The following HLCS variants were observed in gnomAD, a reference collection of about 807,000 sequenced individuals.
The protein encoded by HLCS is biotin--protein ligase.
A neutral mutation model predicts 75.0 loss-of-function variants in HLCS; 53 were observed. The ratio of observed to expected loss-of-function variants is 0.71; its 90% confidence interval spans 0.57 to 0.89. The LOEUF (loss-of-function observed/expected upper bound fraction) is 0.89. HLCS is among the 40% of genes least tolerant of loss of function. HLCS has a pLI of 0.00. For missense variants in HLCS, 966 were observed against 1,074.0 expected (o/e 0.90, Z 1.41); for synonymous variants, 431 against 428.6 (o/e 1.01, Z -0.07).
intron 6 of HLCS, among the ~76,000 whole-genome samples, chr21:36,841,388 G>A (rs73902750): frequency 0.037 from 5,630 of 152,266 alleles, 147 homozygotes; most frequent in African/African-American, 0.074. Context: ...CCCAAACCAC[G>A]AGTACATTAT....
At chr21:36,864,395 C>CAAA (rs754420645) in intron 6 of HLCS, among the ~76,000 whole-genome samples, 1 of 127,252 alleles carries the variant, frequency 7.9e-6, no homozygotes, top group African/African-American at 2.8e-5. Flanking sequence ...GACTACGTCT[C>CAAA]AAAAAAAAAA....
At chr21:36,924,631 G>A (rs563466911) in intron 5 of HLCS, among the ~76,000 whole-genome samples, 178 of 152,188 alleles carry the variant, frequency 1.2e-3, no homozygotes, top group African/African-American at 3.7e-3. Context: ...TTCCTCTCCC[G>A]GGGGCAAGGA....
rs371974889 is a variant in HLCS at position 36,765,001 on chromosome 21, A to T, written c.2121+11T>A. ...TCCCAGGGACATAGAAGGAGACTGA[A>T]CTGTACCTACCTGATACTCGGGAAT... On this transcript the variant is annotated intron_variant, in intron 8 of 10. Transcript: ENST00000674895. The T allele has an allele frequency of 1.6e-4, 266 of 1,614,050 alleles. 1 individual carries two copies. The African/African-American group carries it at 3.1e-3, about 19-fold the overall frequency.
chr21:36,872,315 C>T (rs1012247226), intron 6 of HLCS, among the ~76,000 whole-genome samples: 2 of 147,292 alleles, frequency 1.4e-5, no homozygotes, highest in Non-Finnish European at 3.0e-5. Context: ...CCCAGCTACT[C>T]GGGAGGCGGA....
At chr21:36,912,590 G>A (rs758499803) in intron 5 of HLCS, among the ~76,000 whole-genome samples, 4 of 152,170 alleles carry the variant, frequency 2.6e-5, no homozygotes, top group Admixed American at 6.5e-5. Context: ...TTGTAAAATA[G>A]TGTGGGTGTA....
intron 6 of HLCS, among the ~76,000 whole-genome samples, chr21:36,773,533 G>C (rs570053286): frequency 7.9e-5 from 12 of 152,240 alleles, no homozygotes; most frequent in Admixed American, 7.2e-4. Context: ...AGGCGACCTC[G>C]AAGTCTCCCT....
chr21:36,863,721 A>G (rs2063460722), intron 6 of HLCS, among the ~76,000 whole-genome samples: 1 of 152,224 alleles, frequency 6.6e-6, no homozygotes, highest in Non-Finnish European at 1.5e-5. Flanking sequence ...CAAAATGCCT[A>G]AACTTGTTCA....
At chr21:36,983,372 A>G (rs2069161961) in intron 1 of HLCS, among the ~76,000 whole-genome samples, 1 of 151,508 alleles carries the variant, frequency 6.6e-6, no homozygotes, top group Admixed American at 6.6e-5. Flanking sequence ...CACCACACCC[A>G]GCTAATTTTT....
intron 7 of HLCS, among the ~76,000 whole-genome samples, chr21:36,766,627 C>G (rs1026233394): frequency 2.6e-5 from 4 of 152,148 alleles, no homozygotes; most frequent in Non-Finnish European, 2.9e-5. Flanking sequence ...AGGGAGGGGC[C>G]AAGCCCCGTG....
At chr21:36,915,019 T>C (rs1013756105) in intron 5 of HLCS, among the ~76,000 whole-genome samples, 3 of 152,362 alleles carry the variant, frequency 2.0e-5, no homozygotes, top group African/African-American at 4.8e-5. Context: ...CTAGCCGACA[T>C]GCACACCAAC....
chr21:36,897,369 T>A (rs931273470), intron 5 of HLCS, among the ~76,000 whole-genome samples: 5 of 152,194 alleles, frequency 3.3e-5, no homozygotes, highest in Admixed American at 1.3e-4. Flanking sequence ...ATCAGTTCAG[T>A]TCATGATTAT....
chr21:36,797,179 T>G (rs1280428971), intron 6 of HLCS, among the ~76,000 whole-genome samples: 1 of 152,094 alleles, frequency 6.6e-6, no homozygotes, highest in African/African-American at 2.4e-5. Context: ...TCACGATCTC[T>G]CTTAACACTG....
intron 4 of HLCS, 77 bp from the exon 5 acceptor site, chr21:36,930,510 CTTT>C: frequency 3.9e-6 from 4 of 1,036,538 alleles, no homozygotes; most frequent in Non-Finnish European, 4.1e-6. Context: ...TTTTCTTTTT[CTTT>C]TTTTTTTTAA....
chr21:36,913,487 T>C (rs1279506862), intron 5 of HLCS, among the ~76,000 whole-genome samples: 1 of 151,748 alleles, frequency 6.6e-6, no homozygotes, highest in Non-Finnish European at 1.5e-5. Context: ...TTTGGCGGGG[T>C]GTGGTGGCTC....
At chr21:36,844,232 G>A (rs2062717743) in intron 6 of HLCS, among the ~76,000 whole-genome samples, 1 of 152,028 alleles carries the variant, frequency 6.6e-6, no homozygotes, top group South Asian at 2.1e-4. Flanking sequence ...CGCAGCACGA[G>A]GAATGAGCCA....
Position 36,756,802 on chromosome 21 carries a change from A to C in HLCS, c.2237-47T>G, listed in dbSNP as rs1206516899. 3.1e-6 allele frequency: 5 copies of C among 1,612,736 alleles called. No individual in the cohort carries two copies. The East Asian group carries it at 1.1e-4, about 36-fold the overall frequency. On this transcript the variant is annotated intron_variant, in intron 9 of 10. Coordinates refer to ENST00000674895, the MANE Select transcript of HLCS (RefSeq NM_001352514.2). ...AGCAGCTCAGCCTGTTGATGGCATC[A>C]CACATTCCTCTCTGCCACATGGAAA...
rs144985696 is a variant in HLCS at position 36,841,290 on chromosome 21, C to T, written c.1892+55570G>A. On this transcript the variant is annotated intron_variant, in intron 6 of 10. Transcript: ENST00000674895. The stretch of plus-strand genomic sequence containing the variant: ...GGAATTTGTCTGTCTTCAAACAAAA[C>T]AAACAAAACTAAACCACTGTCCGAA... Among the ~76,000 whole-genome samples, 142 of 152,280 alleles carry T rather than the reference C, an allele frequency of 9.3e-4. 1 individual carries two copies. The highest frequency in any genetic ancestry group is 1.7e-3 in the Admixed American group (26 of 15,302).
Position 36,936,673 on chromosome 21 carries a change from T to C in HLCS, c.1213A>G (p.Thr405Ala). 1 of 1,614,170 alleles carries C rather than the reference T, an allele frequency of 6.2e-7. No individual in the cohort carries two copies. The highest frequency in any genetic ancestry group is 8.5e-7 in the Non-Finnish European group (1 of 1,180,022). Reference sequence around the variant, plus strand: ...GTCTTGTGCAGTGCACCCTTGCTTGTCACCTGAAAGCCACCAAAGGTGAAG... The same window carrying C: ...GTCTTGTGCAGTGCACCCTTGCTTGCCACCTGAAAGCCACCAAAGGTGAAG... ...SSFTFGGFQV[T>A]SKGALHKTVQ... The change falls in exon 4 of 11, where the codon ACA becomes GCA. Residue 405 changes from threonine to alanine, a missense_variant. Coordinates refer to ENST00000674895, the MANE Select transcript of HLCS (RefSeq NM_001352514.2).
chr21:36,959,978 C>T (rs1369475462), intron 2 of HLCS, among the ~76,000 whole-genome samples: 1 of 152,198 alleles, frequency 6.6e-6, no homozygotes, highest in Non-Finnish European at 1.5e-5. Context: ...CTCCCCAAGC[C>T]AAGGCTGTAA....
Sources: allele counts gnomAD v4.1 joint callset (sites outside exome capture counted in the v4.1 genomes callset), GRCh38; gene constraint gnomAD v4.1.1; transcripts MANE v1.5; gene names NCBI Gene and HGNC (gene_info 2026-07-23, HGNC 2026-07-21).